The following KICS2 variants were observed in gnomAD, a reference collection of about 807,000 sequenced individuals.
The protein encoded by KICS2 is KICSTOR subunit 2.
Under a neutral mutation model 31.4 loss-of-function variants are expected in KICS2, and 13 were observed. The ratio of observed to expected loss-of-function variants is 0.41; its 90% CI spans 0.27 to 0.66. The LOEUF (loss-of-function observed/expected upper bound fraction) is 0.66. Among genes scored for constraint, KICS2 ranks in the 30% least tolerant of loss-of-function variants. KICS2 has a pLI of 0.28. For synonymous variants in KICS2, 209 were observed against 214.8 expected (o/e 0.97, Z 0.24); for missense variants, 455 against 545.4 (o/e 0.83, Z 1.65).
In KICS2 at chr12:64,205,759, G is replaced by GGGAAGGAAGGAAAAAGGGAAGGAA. The variant is rs1555181721; in HGVS notation, c.521+9895_521+9918dup. On this transcript the variant is annotated intron_variant, in intron 2 of 2. Transcript: ENST00000398055. Reference sequence around the variant, plus strand: ...AGGGAAGGAAGGGAGGGAGGGAAAAGGGAAGGAAGGAAAAAGGGAAGGAAG... The same window carrying GGGAAGGAAGGAAAAAGGGAAGGAA: ...AGGGAAGGAAGGGAGGGAGGGAAAAGGGAAGGAAGGAAAAAGGGAAGGAAGGAAGGAAGGAAAAAGGGAAGGAAG... 4.4e-3 allele frequency among the ~76,000 whole-genome samples: 151 copies of GGGAAGGAAGGAAAAAGGGAAGGAA among 34,032 alleles called. 2 individuals are homozygous for GGGAAGGAAGGAAAAAGGGAAGGAA. The highest frequency in any genetic ancestry group is 0.026 in the Middle Eastern group (2 of 78). The allele number at this position is 34,032 out of a possible 152,430, so 22.3% of individuals were successfully genotyped here.
chr12:64,202,191 G>A (rs2037496623), intron 2 of KICS2, among the ~76,000 whole-genome samples: 1 of 152,126 alleles, frequency 6.6e-6, no homozygotes, highest in South Asian at 2.1e-4. Context: ...GACTGCTTGA[G>A]CCCAGGAGTT....
intron 2 of KICS2, among the ~76,000 whole-genome samples, chr12:64,205,286 T>G (rs1441501435): frequency 6.6e-6 from 1 of 152,212 alleles, no homozygotes; most frequent in African/African-American, 2.4e-5. Flanking sequence ...ACACTGAAAG[T>G]GCTTAAGTGC....
chr12:64,219,758 A>G (rs2037662314), intron 1 of KICS2, among the ~76,000 whole-genome samples: 2 of 152,344 alleles, frequency 1.3e-5, no homozygotes, highest in South Asian at 4.1e-4. Flanking sequence ...TCTTAAATAT[A>G]TATAGTTTTA....
intron 2 of KICS2, among the ~76,000 whole-genome samples, chr12:64,212,350 T>C (rs1194207450): frequency 6.6e-6 from 1 of 152,218 alleles, no homozygotes; most frequent in Non-Finnish European, 1.5e-5. Flanking sequence ...TCTGTGACTA[T>C]GAATTTGTAA....
chr12:64,204,805 GCAGCA>G (rs956530669), intron 2 of KICS2: 2 of 152,078 alleles, frequency 1.3e-5, no homozygotes, highest in African/African-American at 2.4e-5. Context: ...GCTCACTTCA[GCAGCA>G]TATATACTTA....
chr12:64,220,612 C>T (rs2136710414), intron 1 of KICS2, among the ~76,000 whole-genome samples: 1 of 151,746 alleles, frequency 6.6e-6, no homozygotes, highest in East Asian at 1.9e-4. Context: ...CTAAAAACAA[C>T]TGAAACTGCC....
chr12:64,187,027 C>G (rs1405782225), downstream of KICS2: 1 of 152,542 alleles, frequency 6.6e-6, no homozygotes, highest in African/African-American at 2.4e-5. Flanking sequence ...TGAGTCTAGA[C>G]CTAAGCTGGA....
Position 64,193,725 on chromosome 12 carries a change from T to A in KICS2, c.*117A>T. 4.1e-6 allele frequency: 6 copies of A among 1,447,982 alleles called. No homozygotes were observed. The highest frequency in any genetic ancestry group is 9.1e-7 in the Non-Finnish European group (1 of 1,104,390). 89.7% of individuals were successfully genotyped at this position (1,447,982 alleles called of 1,614,324 possible). ...GTGCAACACAGGGAGGATTTGTCTT[T>A]AATTTAGTTCTGAAAGAGGCATGAA... On this transcript the variant is annotated 3_prime_UTR_variant, in exon 3 of 3. Coordinates refer to ENST00000398055, the MANE Select transcript of KICS2 (RefSeq NM_152440.5).
At chr12:64,187,311 C>A (rs148937141), downstream of KICS2, 631 of 345,070 alleles carry the variant, frequency 1.8e-3, 3 homozygotes, top group African/African-American at 0.011. Context: ...CTCCTGAGTG[C>A]TACCATCACT....
intron 2 of KICS2, among the ~76,000 whole-genome samples, chr12:64,195,909 G>A (rs577067967): frequency 5.5e-4 from 84 of 152,272 alleles, no homozygotes; most frequent in Non-Finnish European, 1.1e-3. Flanking sequence ...AAAAAACGGC[G>A]CACCACGAGA....
rs970836640 is a variant in KICS2, at chr12:64,201,802, C to T, written c.522-7144G>A. On this transcript the variant is annotated intron_variant, in intron 2 of 2. Coordinates refer to ENST00000398055, the MANE Select transcript of KICS2 (RefSeq NM_152440.5). ...GGGCAAGGTTGCAGCGAGCTGAGATCGTGCCACTAAACTCCAGCCTGGGTG... is the reference window on the plus strand; with the variant it reads ...GGGCAAGGTTGCAGCGAGCTGAGATTGTGCCACTAAACTCCAGCCTGGGTG... Among the ~76,000 whole-genome samples the T allele has an allele frequency of 2.6e-5, 4 of 151,780 alleles. 1 individual carries two copies. The highest frequency in any genetic ancestry group is 1.3e-4 in the Admixed American group (2 of 15,224).
intron 2 of KICS2, among the ~76,000 whole-genome samples, chr12:64,215,404 T>C (rs1284113964): frequency 6.6e-6 from 1 of 152,216 alleles, no homozygotes; most frequent in Non-Finnish European, 1.5e-5. Context: ...GTGTGAACTC[T>C]TTCCTAAGCA....
chr12:64,211,569 A>T (rs1406328327), intron 2 of KICS2, among the ~76,000 whole-genome samples: 1 of 152,166 alleles, frequency 6.6e-6, no homozygotes, highest in East Asian at 1.9e-4. Flanking sequence ...CGGTGAGCCA[A>T]GATCACGCCA....
intron 2 of KICS2, among the ~76,000 whole-genome samples, chr12:64,211,102 G>A (rs2037578801): frequency 6.6e-6 from 1 of 152,136 alleles, no homozygotes; most frequent in Non-Finnish European, 1.5e-5. Flanking sequence ...TTACATTAGT[G>A]TTTGGGAATT....
intron 2 of KICS2, among the ~76,000 whole-genome samples, chr12:64,208,290 T>C (rs1409025164): frequency 1.3e-5 from 2 of 152,242 alleles, no homozygotes; most frequent in African/African-American, 4.8e-5. Context: ...ATTACACGCA[T>C]TAGACACTGC....
At chr12:64,217,933 A>T (rs185156743) in intron 1 of KICS2, among the ~76,000 whole-genome samples, 2 of 152,062 alleles carry the variant, frequency 1.3e-5, no homozygotes, top group African/African-American at 4.8e-5. Flanking sequence ...AGGAAGGAAG[A>T]AAGAAAGAGA....
In KICS2 at chr12:64,193,743, G is replaced by C. The variant is rs2037403470; in HGVS notation, c.*99C>G. The stretch of plus-strand genomic sequence containing the variant: ...TTGTCTTTAATTTAGTTCTGAAAGA[G>C]GCATGAATGGATGTAAACTCTATTC... On this transcript the variant is annotated 3_prime_UTR_variant, in exon 3 of 3. Transcript: ENST00000398055. 2 of 1,459,246 alleles carry C rather than the reference G, an allele frequency of 1.4e-6. No individual in the cohort carries two copies. Among genetic ancestry groups the C allele is most frequent in the African/African-American group, 2.8e-5 (2 of 70,184 alleles). The allele number at this position is 1,459,246 out of a possible 1,614,324, so 90.4% of individuals were successfully genotyped here. A position where few individuals can be genotyped will look rare whatever the true frequency, so the allele number is the denominator to read the frequency against.
rs754544148 is a variant in KICS2 at position 64,194,180 on chromosome 12, G to C, written c.1000C>G (p.His334Asp). 5 of 1,614,144 alleles carry C rather than the reference G, an allele frequency of 3.1e-6. No homozygotes were observed. Among genetic ancestry groups the C allele is most frequent in the Non-Finnish European group, 4.2e-6 (5 of 1,180,026 alleles). ...CCCTTGGGGGCCTCTCTGTAGGAATGGGGGTGGTGATAACCATGACCCTGA... is the reference window on the plus strand; with the variant it reads ...CCCTTGGGGGCCTCTCTGTAGGAATCGGGGTGGTGATAACCATGACCCTGA... Reference protein sequence around the residue: ...SFQGHGYHHPHSYREAPKGVD... With the variant: ...SFQGHGYHHPDSYREAPKGVD... Residue 334 changes from histidine to aspartate, a missense_variant, in exon 3 of 3, where the codon CAT (histidine) becomes GAT (aspartate). Physicochemically the swap from His to Asp is moderately conservative, Grantham distance 81. Coordinates refer to ENST00000398055, the MANE Select transcript of KICS2 (RefSeq NM_152440.5).
rs2037415277 is a variant in KICS2 at position 64,194,599 on chromosome 12, A to G, written c.581T>C (p.Leu194Pro). ...GGCCTGGGCTTTCAGGAGATGACAC[A>G]GGACGTCAACTTCCAGCTGGAAACT... ...ESSFQLEVDV[L>P]CHLLKAQAQV... The change falls in exon 3 of 3, where the codon CTG (leucine) becomes CCG (proline). Residue 194 changes from leucine (L) to proline (P), a missense_variant. Leu to Pro is a moderately conservative substitution (Grantham distance 98). Transcript: ENST00000398055. 1 of 1,614,058 alleles carries G rather than the reference A, an allele frequency of 6.2e-7. No homozygotes were observed. The highest frequency in any genetic ancestry group is 8.5e-7 in the Non-Finnish European group (1 of 1,180,048).
Sources: allele counts gnomAD v4.1 joint callset (sites outside exome capture counted in the v4.1 genomes callset), GRCh38; gene constraint gnomAD v4.1.1; transcripts MANE v1.5; gene names NCBI Gene and HGNC (gene_info 2026-07-23, HGNC 2026-07-21).